Variants in SUGT1 observed in about 807,000 individuals in gnomAD.
SUGT1 encodes the protein SGT1 assembly cochaperone of MIS12 kinetochore complex.
A neutral mutation model predicts 56.1 loss-of-function variants in SUGT1; 15 were observed. That is an observed-to-expected ratio of 0.27 (90% CI 0.18 to 0.41). SUGT1 has a LOEUF of 0.41. SUGT1 is among the 10% of genes least tolerant of loss of function. The pLI, the probability that SUGT1 is intolerant of heterozygous loss-of-function variation, is 1.00. For missense variants in SUGT1, 347 were observed against 382.2 expected (o/e 0.91, Z 0.77); for synonymous variants, 123 against 128.6 (o/e 0.96, Z 0.30).
At chr13:52,675,916 T>C (rs771374056) in intron 10 of SUGT1, among the ~76,000 whole-genome samples, 1 of 152,172 alleles carries the variant, frequency 6.6e-6, no homozygotes, top group Non-Finnish European at 1.5e-5. Flanking sequence ...TCTCCAGACA[T>C]GGCTAAATGT....
intron 10 of SUGT1, among the ~76,000 whole-genome samples, chr13:52,673,790 A>G (rs1963033510): frequency 6.6e-6 from 1 of 152,224 alleles, no homozygotes; most frequent in Non-Finnish European, 1.5e-5. Context: ...ATTAAAGAAG[A>G]TGCAATTTTA....
At position 52,692,485 on chromosome 13, in the gene SUGT1, A is replaced by G. The variant is rs1963811429; in HGVS notation, c.*4650A>G. Reference sequence around the variant, plus strand: ...GAATGCAGTGGTGCAATCTTGGCTCACTGCAACCTCCACCTCCCAGGTTCA... The same window carrying G: ...GAATGCAGTGGTGCAATCTTGGCTCGCTGCAACCTCCACCTCCCAGGTTCA... On this transcript the variant is annotated 3_prime_UTR_variant, in exon 13 of 13. Coordinates refer to ENST00000310528, the MANE Select transcript of SUGT1 (RefSeq NM_006704.5). The G allele has an allele frequency of 6.8e-6, 1 of 147,870 alleles. No homozygotes were observed. The allele number at this position is 147,870 out of a possible 1,614,324, so 9.2% of individuals were successfully genotyped here. A position where few individuals can be genotyped will look rare whatever the true frequency, so the allele number is the denominator to read the frequency against.
At chr13:52,655,085 C>T (rs762133355) in intron 2 of SUGT1, among the ~76,000 whole-genome samples, 8 of 152,204 alleles carry the variant, frequency 5.3e-5, no homozygotes, top group Non-Finnish European at 4.4e-5. Flanking sequence ...GTGGCTCACG[C>T]CTATAGTCCC....
At position 52,666,863 on chromosome 13, in the gene SUGT1, G is replaced by T; in HGVS notation, c.571G>T (p.Glu191Ter). The T allele has an allele frequency of 6.2e-7, 1 of 1,613,300 alleles. No individual in the cohort carries two copies. The highest frequency in any genetic ancestry group is 8.5e-7 in the Non-Finnish European group (1 of 1,179,642). ...TGGAGAGGATTACAATTTGAAACTG[G>T]AACTTCTTCATCCTATAATACCAGA... ...PSGEDYNLKL[E>*]LLHPIIPEQS... The change falls in exon 10 of 13, where the codon GAA becomes TAA. Residue 191 changes from glutamate to a stop codon, truncating the protein, a stop_gained. Coordinates refer to ENST00000310528, the MANE Select transcript of SUGT1 (RefSeq NM_006704.5). LOFTEE classifies it high-confidence loss of function.
chr13:52,668,942 G>C (rs1448211822), intron 10 of SUGT1, among the ~76,000 whole-genome samples: 1 of 152,128 alleles, frequency 6.6e-6, no homozygotes, highest in African/African-American at 2.4e-5. Flanking sequence ...ACCTCCTATA[G>C]TGGAAGAATA....
intron 5 of SUGT1, 81 bp from the exon 6 acceptor site, chr13:52,662,568 A>G (rs1489179060): frequency 1.4e-6 from 2 of 1,440,186 alleles, no homozygotes; most frequent in African/African-American, 1.4e-5. Flanking sequence ...ACTGCCTGGG[A>G]TGTAGTAGGT....
chr13:52,670,756 C>T (rs949207517), intron 10 of SUGT1, among the ~76,000 whole-genome samples: 3 of 152,134 alleles, frequency 2.0e-5, no homozygotes, highest in East Asian at 1.9e-4. Flanking sequence ...TGCAGTGAGC[C>T]GAGATCATGT....
chr13:52,658,608 A>G, intron 4 of SUGT1, 140 bp downstream of exon 4: 1 of 727,504 alleles, frequency 1.4e-6, no homozygotes, highest in Non-Finnish European at 2.1e-6. Context: ...ATTCAATTTT[A>G]AATACAACTT....
rs1963320202 is a variant in SUGT1, at chr13:52,680,290, T to C, written c.900+135T>C. On this transcript the variant is annotated intron_variant, in intron 12 of 12. Transcript: ENST00000310528. ...TTTGAATAAGGTCTGTCTGAACGTT[T>C]CTTTTTGCTCTAAGAGTAATTTTTG... 9 of 727,972 alleles carry C rather than the reference T, an allele frequency of 1.2e-5. No individual in the cohort carries two copies. The South Asian group carries it at 2.4e-4, about 20-fold the overall frequency. The allele number at this position is 727,972 out of a possible 1,614,324, so 45.1% of individuals were successfully genotyped here.
In SUGT1 at chr13:52,695,184, A is replaced by AT. The variant is rs1203711017; in HGVS notation, c.*7351dup. Reference sequence around the variant, plus strand: ...GCTTGAAGTGACTGAAAGTGAACACATTCATAAGTAATGAGCTTAGGCTGA... The same window carrying AT: ...GCTTGAAGTGACTGAAAGTGAACACATTTCATAAGTAATGAGCTTAGGCTGA... On this transcript the variant is annotated 3_prime_UTR_variant, in exon 13 of 13. Coordinates refer to ENST00000310528, the MANE Select transcript of SUGT1 (RefSeq NM_006704.5). 2 of 152,238 alleles carry AT rather than the reference A, an allele frequency of 1.3e-5. No homozygotes were observed. The highest frequency in any genetic ancestry group is 1.3e-4 in the Admixed American group (2 of 15,286). The allele number at this position is 152,238 out of a possible 1,614,324, so 9.4% of individuals were successfully genotyped here.
Position 52,693,708 on chromosome 13 carries a change from GTT to G in SUGT1, c.*5876_*5877del, listed in dbSNP as rs1566206695. The G allele has an allele frequency of 6.6e-6, 1 of 151,254 alleles. No homozygotes were observed. The allele number at this position is 151,254 out of a possible 1,614,324, so 9.4% of individuals were successfully genotyped here. A position where few individuals can be genotyped will look rare whatever the true frequency, so the allele number is the denominator to read the frequency against. ...AATCCAGAAGGCTCAAAATACTAAT[GTT>G]TTGTGTGTGTGTGTGTGTGTGCATG... is the stretch of plus-strand genomic sequence containing the variant. On this transcript the variant is annotated 3_prime_UTR_variant, in exon 13 of 13. Coordinates refer to ENST00000310528, the MANE Select transcript of SUGT1 (RefSeq NM_006704.5).
intron 12 of SUGT1, among the ~76,000 whole-genome samples, chr13:52,681,905 A>G (rs1331157393): frequency 7.6e-6 from 1 of 131,806 alleles, no homozygotes; most frequent in African/African-American, 2.8e-5. Context: ...TTATGTTGCT[A>G]TCTTATGGCC....
chr13:52,678,267 C>A (rs1253553355), intron 11 of SUGT1, among the ~76,000 whole-genome samples: 1 of 151,776 alleles, frequency 6.6e-6, no homozygotes, highest in East Asian at 1.9e-4. Flanking sequence ...ATTTTCAAAA[C>A]AATATATTTG....
At chr13:52,658,593 A>G (rs1962276091) in intron 4 of SUGT1, 125 bp downstream of exon 4, 2 of 801,858 alleles carry the variant, frequency 2.5e-6, no homozygotes, top group Non-Finnish European at 3.7e-6. Context: ...TATAGCAGAG[A>G]TATGATTCAA....
chr13:52,659,491 T>G (rs952833675), intron 5 of SUGT1, among the ~76,000 whole-genome samples: 6 of 152,048 alleles, frequency 3.9e-5, no homozygotes, highest in Non-Finnish European at 7.4e-5. Flanking sequence ...TGGAAACACC[T>G]AACATGCTCT....
chr13:52,687,518 C>G, intron 12 of SUGT1: 1 of 280,302 alleles, frequency 3.6e-6, no homozygotes, highest in Non-Finnish European at 6.5e-6. Context: ...TTGTTAACCT[C>G]TGGAATGCCT....
chr13:52,660,445 T>C (rs1486219435), intron 5 of SUGT1, among the ~76,000 whole-genome samples: 5 of 152,148 alleles, frequency 3.3e-5, no homozygotes, highest in Non-Finnish European at 7.4e-5. Context: ...CAAAGAAGTA[T>C]ATGGTCCAAA....
Position 52,680,131 on chromosome 13 carries a change from G to C in SUGT1, c.876G>C (p.Val292=). The change falls in exon 12 of 13, where the codon GTG becomes GTC. Residue 292 remains valine (V), a synonymous_variant. Transcript: ENST00000310528. ...QQIYSDGSDE[V]KRAMNKSFME... ...TCTATTCAGATGGTTCTGATGAAGT[G>C]AAACGTGCCATGAACAAATCCTTTG... is the stretch of plus-strand genomic sequence containing the variant. The C allele has an allele frequency of 1.9e-6, 3 of 1,584,772 alleles. 1 individual carries two copies. The South Asian group carries it at 3.5e-5, about 19-fold the overall frequency.
intron 10 of SUGT1, among the ~76,000 whole-genome samples, chr13:52,671,389 A>G (rs73488276): frequency 0.021 from 3,248 of 152,220 alleles, 124 homozygotes; most frequent in African/African-American, 0.075. Flanking sequence ...TACATATTCA[A>G]CAGCAAAGTA....
Sources: allele counts gnomAD v4.1 joint callset (sites outside exome capture counted in the v4.1 genomes callset), GRCh38; gene constraint gnomAD v4.1.1; transcripts MANE v1.5; gene names NCBI Gene and HGNC (gene_info 2026-07-23, HGNC 2026-07-21).